ZSCAN30: variants seen among roughly 807,000 people sequenced by gnomAD.
The protein encoded by ZSCAN30 is zinc finger and SCAN domain containing 30.
ZSCAN30 carries 37 observed loss-of-function variants against 44.3 expected under a neutral mutation model. The ratio of observed to expected loss-of-function variants is 0.84; its 90% CI spans 0.64 to 1.10. The LOEUF is 1.10. Ranked by LOEUF, ZSCAN30 falls within the 50% of genes least tolerant of loss-of-function variation. The probability of loss-of-function intolerance (pLI) is 0.00; values close to 1 mark genes in which losing one functional copy is unlikely to be tolerated. For synonymous variants in ZSCAN30, 181 were observed against 204.6 expected, an observed-to-expected ratio of 0.88 and a Z score of 0.98; for missense variants, 549 against 582.6, an observed-to-expected ratio of 0.94 and a Z score of 0.59.
At chr18:35,283,667 A>G (rs1166696894) in intron 1 of ZSCAN30, 1 of 152,298 alleles carries the variant, frequency 6.6e-6, no homozygotes, top group Non-Finnish European at 1.5e-5. Context: ...CTGTGACTGG[A>G]CTAAGTACAC....
chr18:35,253,336 A>T lies in ZSCAN30; in HGVS notation c.*114T>A. ...GTGTGCATGTCTTCTTATAGTACCG[A>T]ACTGGGAGGGAAGGACAGAAGTTCT... On this transcript the variant is annotated 3_prime_UTR_variant, in exon 4 of 4. Coordinates refer to ENST00000333206, the MANE Select transcript of ZSCAN30 (RefSeq NM_001112734.4). 2 of 780,998 alleles carry T rather than the reference A, an allele frequency of 2.6e-6. No individual in the cohort carries two copies. Among genetic ancestry groups the T allele is most frequent in the Middle Eastern group, 2.4e-4 (1 of 4,212 alleles). 48.4% of individuals were successfully genotyped at this position (780,998 alleles called of 1,614,324 possible).
In ZSCAN30 at chr18:35,264,205, TC is replaced by T. The variant is rs1287829681; in HGVS notation, c.147del (p.Lys50SerfsTer17). On this transcript the variant is annotated frameshift_variant, in exon 2 of 4. Coordinates refer to ENST00000333206, the MANE Select transcript of ZSCAN30 (RefSeq NM_001112734.4). LOFTEE classifies it high-confidence loss of function. Reference protein sequence around the residue: ...ENPWSQEVFRQKFRQFSYSDS... With the variant: ...ENPWSQEVFRXKFRQFSYSDS... ...TCAGAGTAACTAAACTGCCTGAACT[TC>T]TGCCGGAATACCTCTTGGCTCCAGG... The T allele has an allele frequency of 1.2e-6, 2 of 1,614,086 alleles. No individual in the cohort carries two copies. Among genetic ancestry groups the T allele is most frequent in the South Asian group, 2.2e-5 (2 of 91,078 alleles).
At chr18:35,286,605 G>C (rs2044554433) in intron 1 of ZSCAN30, among the ~76,000 whole-genome samples, 2 of 151,216 alleles carry the variant, frequency 1.3e-5, no homozygotes, top group African/African-American at 4.9e-5. Flanking sequence ...ACTAGAATTA[G>C]AAAAAAACTT....
At position 35,251,949 on chromosome 18, in the gene ZSCAN30, A is replaced by T. The variant is rs935322838; in HGVS notation, c.*1501T>A. ...GGAATCAAACTTTCTTTTAGGTATTAATTGCCCTCAGCAATTGTGGGTTAA... is the reference window on the plus strand; with the variant it reads ...GGAATCAAACTTTCTTTTAGGTATTTATTGCCCTCAGCAATTGTGGGTTAA... On this transcript the variant is annotated 3_prime_UTR_variant, in exon 4 of 4. Coordinates refer to ENST00000333206, the MANE Select transcript of ZSCAN30 (RefSeq NM_001112734.4). 1.3e-5 allele frequency: 2 copies of T among 152,204 alleles called. No homozygotes were observed. Among genetic ancestry groups the T allele is most frequent in the African/African-American group, 2.4e-5 (1 of 41,438 alleles). 9.4% of individuals were successfully genotyped at this position (152,204 alleles called of 1,614,324 possible). A position where few individuals can be genotyped will look rare whatever the true frequency, so the allele number is the denominator to read the frequency against.
At chr18:35,268,245 C>T (rs1339661764) in intron 1 of ZSCAN30, 1 of 152,272 alleles carries the variant, frequency 6.6e-6, no homozygotes. Context: ...ATACCAGGCT[C>T]AGGTGTTAGA....
intron 1 of ZSCAN30, among the ~76,000 whole-genome samples, chr18:35,285,642 A>G (rs1365976989): frequency 6.6e-6 from 1 of 152,210 alleles, no homozygotes; most frequent in Non-Finnish European, 1.5e-5. Flanking sequence ...ATCCAAGTTC[A>G]AAGTATTCTG....
At chr18:35,287,207 T>C (rs565235638) in intron 1 of ZSCAN30, among the ~76,000 whole-genome samples, 113 of 152,288 alleles carry the variant, frequency 7.4e-4, no homozygotes, top group African/African-American at 2.7e-3. Context: ...ATGGATCAGA[T>C]GACTCAATAT....
At chr18:35,271,488 C>T (rs1314957343) in intron 1 of ZSCAN30, among the ~76,000 whole-genome samples, 1 of 152,236 alleles carries the variant, frequency 6.6e-6, no homozygotes, top group Non-Finnish European at 1.5e-5. Context: ...GTTTACAAAC[C>T]TTGAACTAGA....
chr18:35,283,684 G>A (rs1475318010), intron 1 of ZSCAN30: 1 of 152,244 alleles, frequency 6.6e-6, no homozygotes. Context: ...ACACCACAGT[G>A]GTGCCCAGAA....
At chr18:35,254,633 A>G in intron 3 of ZSCAN30, 1 of 597,614 alleles carries the variant, frequency 1.7e-6, no homozygotes. Context: ...GACATTAGTT[A>G]GAGGGAATGG....
At chr18:35,279,069 T>G (rs2044412278) in intron 1 of ZSCAN30, among the ~76,000 whole-genome samples, 1 of 152,190 alleles carries the variant, frequency 6.6e-6, no homozygotes, top group Non-Finnish European at 1.5e-5. Context: ...CTTCAAGGCT[T>G]TTTCTATTAA....
intron 1 of ZSCAN30, among the ~76,000 whole-genome samples, chr18:35,273,126 C>T (rs1445384304): frequency 6.6e-6 from 1 of 152,202 alleles, no homozygotes; most frequent in Non-Finnish European, 1.5e-5. Context: ...ACAACCTTCA[C>T]AAACATCCAT....
chr18:35,277,214 C>T (rs2044381909), intron 1 of ZSCAN30, among the ~76,000 whole-genome samples: 1 of 152,202 alleles, frequency 6.6e-6, no homozygotes, highest in African/African-American at 2.4e-5. Flanking sequence ...TTTACAGGCT[C>T]ATAGGCAGAA....
At chr18:35,262,340 T>G (rs2143696285) in intron 3 of ZSCAN30, 1 of 152,334 alleles carries the variant, frequency 6.6e-6, no homozygotes, top group East Asian at 1.9e-4. Flanking sequence ...ATATATCTGC[T>G]GCCCATAAGG....
chr18:35,265,607 T>C (rs1209923232), intron 1 of ZSCAN30, among the ~76,000 whole-genome samples: 1 of 152,170 alleles, frequency 6.6e-6, no homozygotes, highest in Non-Finnish European at 1.5e-5. Context: ...TCATGGAGAA[T>C]GGGCAAGGTG....
At position 35,252,542 on chromosome 18, in the gene ZSCAN30, TAGAGA is replaced by T. The variant is rs1364324753; in HGVS notation, c.*903_*907del. 4.6e-5 allele frequency: 7 copies of T among 152,212 alleles called. No homozygotes were observed. The highest frequency in any genetic ancestry group is 1.9e-4 in the East Asian group (1 of 5,190). The allele number at this position is 152,212 out of a possible 1,614,324, so 9.4% of individuals were successfully genotyped here. A position where few individuals can be genotyped will look rare whatever the true frequency, so the allele number is the denominator to read the frequency against. ...ATTAGGTCTATGACAATTTCTGCAG[TAGAGA>T]AGAGTCTTCATGGAGTGTCTCCAGA... is the stretch of plus-strand genomic sequence containing the variant. On this transcript the variant is annotated 3_prime_UTR_variant, in exon 4 of 4. Transcript: ENST00000333206.
chr18:35,282,675 C>T (rs1219939919), intron 1 of ZSCAN30: 2 of 152,206 alleles, frequency 1.3e-5, no homozygotes, highest in Admixed American at 6.5e-5. Flanking sequence ...CCTCTAGATC[C>T]TCCTTCAGCT....
rs116295705 is a variant in ZSCAN30, at chr18:35,257,781, G to A, written c.554-3400C>T. 2.1e-3 allele frequency: 1,513 copies of A among 720,916 alleles called. 14 individuals carry two copies. The highest frequency in any genetic ancestry group is 0.021 in the African/African-American group (1,182 of 57,528). 44.7% of individuals were successfully genotyped at this position (720,916 alleles called of 1,614,324 possible). On this transcript the variant is annotated intron_variant, in intron 3 of 3. Coordinates refer to ENST00000333206, the MANE Select transcript of ZSCAN30 (RefSeq NM_001112734.4). ...TCCACCTTCATTGCCCCATCTCTGC[G>A]TCAAGAAGAGACAACTCTGCAGTGC...
rs34145740 is a variant in ZSCAN30 at position 35,253,299 on chromosome 18, A to C, written c.*151T>G. Reference sequence around the variant, plus strand: ...TCCATTTAACACTTCAATAATCATAACAAACATCTTTGTGTGCATGTCTTC... The same window carrying C: ...TCCATTTAACACTTCAATAATCATACCAAACATCTTTGTGTGCATGTCTTC... On this transcript the variant is annotated 3_prime_UTR_variant, in exon 4 of 4. Coordinates refer to ENST00000333206, the MANE Select transcript of ZSCAN30 (RefSeq NM_001112734.4). The C allele has an allele frequency of 0.03, 17,075 of 569,968 alleles. 379 individuals are homozygous for C. Among genetic ancestry groups the C allele is most frequent in the South Asian group, 0.075 (2,349 of 31,166 alleles). 35.3% of individuals were successfully genotyped at this position (569,968 alleles called of 1,614,324 possible).
Sources: gnomAD v4.1 joint callset for allele counts (sites outside exome capture counted in the v4.1 genomes callset) on GRCh38, gnomAD v4.1.1 for gene constraint, MANE v1.5 for transcripts, NCBI Gene and HGNC (gene_info 2026-07-23, HGNC 2026-07-21) for gene names.